The following RRAGC variants were observed in gnomAD, a reference collection of about 807,000 sequenced individuals.
RRAGC encodes the protein Ras related GTP binding C, also known as ras-related GTP-binding protein C.
Under a neutral mutation model 37.1 loss-of-function variants are expected in RRAGC, and 8 were observed. The observed-to-expected ratio is 0.22, with a 90% CI of 0.13 to 0.39. The LOEUF is 0.39. Among genes scored for constraint, RRAGC ranks in the 10% least tolerant of loss-of-function variants. RRAGC has a pLI of 1.00. For synonymous variants in RRAGC, 190 were observed against 181.1 expected (o/e 1.05, Z -0.39); for missense variants, 342 against 497.6 (o/e 0.69, Z 2.98).
At chr1:38,859,312 GCGCAGGCGGGCCCCGGC>G in intron 1 of RRAGC, 81 bp downstream of exon 1, 1 of 1,113,950 alleles carries the variant, frequency 9.0e-7, no homozygotes, top group Non-Finnish European at 1.3e-6. Flanking sequence ...GAGGGACGGA[GCGCAGGCGGGCCCCGGC>G]CGCCGCCCTC....
At chr1:38,850,895 C>T (rs1642094290) in intron 5 of RRAGC, among the ~76,000 whole-genome samples, 1 of 151,978 alleles carries the variant, frequency 6.6e-6, no homozygotes, top group African/African-American at 2.4e-5. Flanking sequence ...GTCTCCAACT[C>T]CTGGCCCCAA....
rs1275946727 is a variant in RRAGC at position 38,859,768 on chromosome 1, A to T, written c.-122T>A. The T allele has an allele frequency of 1.2e-6, 1 of 868,316 alleles. No homozygotes were observed. 53.8% of individuals were successfully genotyped at this position (868,316 alleles called of 1,614,324 possible). ...CGCCACCGCCCCCGGCAGCCGCCAC[A>T]GTCCGGCCCGCCCCCCGGAGCCCGG... On this transcript the variant is annotated 5_prime_UTR_variant, in exon 1 of 7. Coordinates refer to ENST00000373001, the MANE Select transcript of RRAGC (RefSeq NM_022157.4).
chr1:38,842,143 G>C (rs922434159), intron 6 of RRAGC, among the ~76,000 whole-genome samples: 3 of 152,156 alleles, frequency 2.0e-5, no homozygotes, highest in African/African-American at 7.2e-5. Flanking sequence ...GTGCAGGCGG[G>C]CGCCTGTAGT....
chr1:38,859,309 G>C (rs1047113989), intron 1 of RRAGC, 101 bp downstream of exon 1: 1 of 1,091,270 alleles, frequency 9.2e-7, no homozygotes, highest in Non-Finnish European at 1.3e-6. Flanking sequence ...GCGGAGGGAC[G>C]GAGCGCAGGC....
chr1:38,852,457 TTGAA>T lies in RRAGC; in HGVS notation c.669_672del (p.His223GlnfsTer24). The T allele has an allele frequency of 6.2e-7, 1 of 1,605,556 alleles. No homozygotes were observed. The highest frequency in any genetic ancestry group is 8.5e-7 in the Non-Finnish European group (1 of 1,172,736). On this transcript the variant is annotated frameshift_variant, in exon 4 of 7. Coordinates refer to ENST00000373001, the MANE Select transcript of RRAGC (RefSeq NM_022157.4). LOFTEE classifies it high-confidence loss of function. ...ACCACCTTACTAAAGGCTTCAAATATTGAATGGTCATAGATACTAGTCAGATAAA... is the reference window on the plus strand; with the variant it reads ...ACCACCTTACTAAAGGCTTCAAATATTGGTCATAGATACTAGTCAGATAAA...
Position 38,851,752 on chromosome 1 carries a change from T to G in RRAGC, c.762A>C (p.Ser254=), listed in dbSNP as rs1435032430. Residue 254 remains serine (S), a synonymous_variant, in exon 5 of 7, where the codon TCA becomes TCC. Transcript: ENST00000373001. ...ENLLNIFISN[S]GIEKAFLFDV... ...CAAAGAGAAAAGCTTTTTCAATACC[T>G]GAATTCTTGGAAAAACAAATGGGAA... 1 of 1,609,500 alleles carries G rather than the reference T, an allele frequency of 6.2e-7. No homozygotes were observed.
chr1:38,855,943 C>T, intron 2 of RRAGC, 36 bp from the exon 3 acceptor site: 1 of 1,513,806 alleles, frequency 6.6e-7, no homozygotes, highest in Non-Finnish European at 9.1e-7. Context: ...TAAAATAAAT[C>T]TTACAAAAGC....
In RRAGC at chr1:38,855,844, G is replaced by A; in HGVS notation, c.505C>T (p.Pro169Ser). 6.2e-7 allele frequency: 1 copy of A among 1,613,852 alleles called. No homozygotes were observed. The highest frequency in any genetic ancestry group is 8.5e-7 in the Non-Finnish European group (1 of 1,179,828). ...ATAAAAACCTCAAAATTCATGTCTG[G>A]GTTAACTTTGTAGGCTTTAGAAACA... is the stretch of plus-strand genomic sequence containing the variant. ...ITVSKAYKVN[P>S]DMNFEVFIHK... The change falls in exon 3 of 7, where the codon CCA (proline) becomes TCA (serine). Residue 169 changes from proline to serine, a missense_variant. This residue lies in a region of RRAGC where 134 missense variants were observed against 277.2 expected (regional missense o/e 0.48). Coordinates refer to ENST00000373001, the MANE Select transcript of RRAGC (RefSeq NM_022157.4).
At position 38,839,224 on chromosome 1, in the gene RRAGC, T is replaced by C. The variant is rs1398394555; in HGVS notation, c.*329A>G. The C allele has an allele frequency of 4.3e-6, 1 of 231,622 alleles. No individual in the cohort carries two copies. The highest frequency in any genetic ancestry group is 8.2e-6 in the Non-Finnish European group (1 of 121,218). The allele number at this position is 231,622 out of a possible 1,614,324, so 14.3% of individuals were successfully genotyped here. On this transcript the variant is annotated 3_prime_UTR_variant, in exon 7 of 7. Transcript: ENST00000373001. Reference sequence around the variant, plus strand: ...AACTGGAATTGATGGCAACATTCCCTGGTAAGGATGGGTAACTGGTGTTAT... The same window carrying C: ...AACTGGAATTGATGGCAACATTCCCCGGTAAGGATGGGTAACTGGTGTTAT...
intron 6 of RRAGC, among the ~76,000 whole-genome samples, chr1:38,840,901 C>A (rs753310894): frequency 1.2e-4 from 18 of 152,090 alleles, no homozygotes; most frequent in Non-Finnish European, 2.5e-4. Flanking sequence ...ATTTCTGTGC[C>A]AAATGTAAAA....
chr1:38,839,774 G>T, intron 6 of RRAGC, 70 bp from the exon 7 acceptor site: 1 of 1,490,166 alleles, frequency 6.7e-7, no homozygotes, highest in Non-Finnish European at 9.3e-7. Context: ...TGGGTTTGCA[G>T]CCAAAAATAA....
intron 5 of RRAGC, among the ~76,000 whole-genome samples, chr1:38,850,587 GAT>G (rs1642088123): frequency 6.6e-6 from 1 of 151,892 alleles, no homozygotes; most frequent in Non-Finnish European, 1.5e-5. Flanking sequence ...GGAATAGACA[GAT>G]ATAGAATAGG....
intron 1 of RRAGC, among the ~76,000 whole-genome samples, chr1:38,858,970 A>C (rs1242209085): frequency 6.6e-6 from 1 of 152,036 alleles, no homozygotes; most frequent in Non-Finnish European, 1.5e-5. Flanking sequence ...CTTAGTCACA[A>C]CTCTTCCTGA....
intron 3 of RRAGC, 135 bp downstream of exon 3, chr1:38,855,573 A>C (rs1422414016): frequency 1.3e-6 from 1 of 757,152 alleles, no homozygotes; most frequent in African/African-American, 1.8e-5. Flanking sequence ...CTGGAATTCA[A>C]CAACAAGATC....
Position 38,839,536 on chromosome 1 carries a change from C to G in RRAGC, c.*17G>C. 1 of 1,613,250 alleles carries G rather than the reference C, an allele frequency of 6.2e-7. No homozygotes were observed. On this transcript the variant is annotated 3_prime_UTR_variant, in exon 7 of 7. Transcript: ENST00000373001. ...TGAAGAGTAAGCTGGCACAGAGCCCCGACGCTGGGATTCAGACTAGATGGC... is the reference window on the plus strand; with the variant it reads ...TGAAGAGTAAGCTGGCACAGAGCCCGGACGCTGGGATTCAGACTAGATGGC...
At position 38,851,605 on chromosome 1, in the gene RRAGC, C is replaced by G. The variant is rs376828760; in HGVS notation, c.899+10G>C. The G allele has an allele frequency of 1.5e-5, 22 of 1,505,104 alleles. No homozygotes were observed. Among genetic ancestry groups the G allele is most frequent in the Non-Finnish European group, 1.9e-5 (22 of 1,133,454 alleles). 93.2% of individuals were successfully genotyped at this position (1,505,104 alleles called of 1,614,324 possible). The stretch of plus-strand genomic sequence containing the variant: ...GTCTGAGATATTGCAGGAATATATA[C>G]ATAACTTACCCATATATACAAGACA... On this transcript the variant is annotated intron_variant, in intron 5 of 6. Transcript: ENST00000373001.
chr1:38,855,686 T>C, intron 3 of RRAGC, 22 bp downstream of exon 3: 4 of 1,595,436 alleles, frequency 2.5e-6, no homozygotes, highest in Non-Finnish European at 3.4e-6. Flanking sequence ...AGGGCTTTCA[T>C]ATCAAACACA....
At chr1:38,852,690 A>G in intron 3 of RRAGC, 1 of 371,802 alleles carries the variant, frequency 2.7e-6, no homozygotes. Context: ...GCATTTACAC[A>G]GGGGGCAACT....
chr1:38,856,627 G>A (rs1238136602), intron 2 of RRAGC: 5 of 337,202 alleles, frequency 1.5e-5, no homozygotes, highest in Non-Finnish European at 2.7e-5. Flanking sequence ...CAATAAAAGT[G>A]GAAAGCCAAT....
Sources: allele counts gnomAD v4.1 joint callset (sites outside exome capture counted in the v4.1 genomes callset), GRCh38; gene constraint gnomAD v4.1.1; regional missense constraint gnomAD v4.1.1; transcripts MANE v1.5; gene names NCBI Gene and HGNC (gene_info 2026-07-23, HGNC 2026-07-21).